The following NAV2 variants were observed in gnomAD, a reference collection of about 807,000 sequenced individuals.
NAV2 encodes helicase, APC down-regulated 1.
Under a neutral mutation model 223.2 loss-of-function variants are expected in NAV2, and 54 were observed. The observed-to-expected ratio is 0.24, with a 90% CI of 0.19 to 0.30. NAV2 has a LOEUF of 0.30. Ranked by LOEUF, NAV2 falls within the 10% of genes least tolerant of loss-of-function variation. The pLI is 1.00. For synonymous variants in NAV2, 1,279 were observed against 1,239.3 expected, an observed-to-expected ratio of 1.03 and a Z score of -0.67; for missense variants, 2,806 against 3,147.5, an observed-to-expected ratio of 0.89 and a Z score of 2.60.
chr11:19,430,437 C>T lies in NAV2; in HGVS notation c.75+79410C>T, dbSNP rs182033206. Among the ~76,000 whole-genome samples, 282 of 152,324 alleles carry T rather than the reference C, an allele frequency of 1.9e-3. 2 individuals are homozygous for T. The highest frequency in any genetic ancestry group is 6.4e-3 in the African/African-American group (268 of 41,570). ...TCCTCTTGAGACAGTTCAAACCCAG[C>T]GACCCTCACTGGCATTCCCTGTCCC... On this transcript the variant is annotated intron_variant, in intron 1 of 37. Transcript: ENST00000360655.
intron 1 of NAV2, among the ~76,000 whole-genome samples, chr11:19,785,104 TA>T (rs1225853766): frequency 6.6e-6 from 1 of 152,168 alleles, no homozygotes; most frequent in Non-Finnish European, 1.5e-5. Flanking sequence ...ACCGATCGGG[TA>T]GGTGACTTCA....
At chr11:20,105,502 G>A in intron 34 of NAV2, 29 bp from the exon 35 acceptor site, 1 of 1,592,022 alleles carries the variant, frequency 6.3e-7, no homozygotes, top group Non-Finnish European at 8.6e-7. Context: ...ACCATCATCA[G>A]CTTGAAAAGT....
rs1167062297 is a variant in NAV2, at chr11:20,101,066, A to G, written c.6311A>G (p.Lys2104Arg). The G allele has an allele frequency of 6.2e-7, 1 of 1,614,024 alleles. No homozygotes were observed. Among genetic ancestry groups the G allele is most frequent in the Non-Finnish European group, 8.5e-7 (1 of 1,180,028 alleles). The change falls in exon 32 of 38, where the codon AAA becomes AGA. Residue 2104 changes from lysine to arginine, a missense_variant. Around this residue, in one of 4 missense-constraint regions of NAV2, gnomAD observed 824 missense variants for 1,069.4 expected, o/e 0.77. Coordinates refer to ENST00000349880, the MANE Select transcript of NAV2 (RefSeq NM_145117.5). ...IILSGPSGTG[K>R]TYLANRLSEY... ...CTCTCTGGCCCCAGCGGCACTGGGA[A>G]AACCTACCTGGCCAACCGGCTGTCT... is the stretch of plus-strand genomic sequence containing the variant.
chr11:20,089,342 C>T (rs897537558), intron 26 of NAV2, among the ~76,000 whole-genome samples: 3 of 152,196 alleles, frequency 2.0e-5, no homozygotes, highest in African/African-American at 7.2e-5. Flanking sequence ...AAACATTTGG[C>T]TATTCAAGTG....
At chr11:19,649,153 A>C (rs2047896661) in intron 1 of NAV2, among the ~76,000 whole-genome samples, 1 of 152,204 alleles carries the variant, frequency 6.6e-6, no homozygotes, top group South Asian at 2.1e-4. Context: ...AGGAACATTC[A>C]TATCACTAAA....
intron 11 of NAV2, among the ~76,000 whole-genome samples, chr11:20,035,222 A>T (rs1430331318): frequency 3.3e-5 from 5 of 152,008 alleles, no homozygotes; most frequent in Non-Finnish European, 7.4e-5. Context: ...AGAACTGCAC[A>T]TTTGGATATG....
chr11:19,922,570 A>G lies in NAV2; in HGVS notation c.932-10606A>G, dbSNP rs188519733. ...CTGCTTTTTGAGTCCCTCCCCAGAG[A>G]TACTGTGATTTTGTAAGTTTGGGGT... is the stretch of plus-strand genomic sequence containing the variant. On this transcript the variant is annotated intron_variant, in intron 6 of 37. Coordinates refer to ENST00000349880, the MANE Select transcript of NAV2 (RefSeq NM_145117.5). Among the ~76,000 whole-genome samples, 31 of 152,278 alleles carry G rather than the reference A, an allele frequency of 2.0e-4. No individual in the cohort carries two copies. The East Asian group carries it at 5.8e-3, about 28-fold the overall frequency.
intron 1 of NAV2, among the ~76,000 whole-genome samples, chr11:19,607,879 T>C (rs1333787517): frequency 1.3e-4 from 20 of 152,224 alleles, no homozygotes; most frequent in Admixed American, 1.3e-3. Flanking sequence ...AGAACCCTAG[T>C]CTTGCTTCTT....
intron 1 of NAV2, among the ~76,000 whole-genome samples, chr11:19,374,055 C>T (rs1211789946): frequency 6.6e-6 from 1 of 152,136 alleles, no homozygotes; most frequent in Non-Finnish European, 1.5e-5. Flanking sequence ...GTCCAGATAA[C>T]AAAACTCAGT....
chr11:19,485,543 C>T (rs1206627657), intron 1 of NAV2, among the ~76,000 whole-genome samples: 1 of 152,148 alleles, frequency 6.6e-6, no homozygotes, highest in Non-Finnish European at 1.5e-5. Context: ...GCAATCACTC[C>T]TTTGGGGAGA....
intron 10 of NAV2, among the ~76,000 whole-genome samples, chr11:19,969,460 C>T (rs2049038125): frequency 1.3e-5 from 2 of 152,146 alleles, no homozygotes; most frequent in South Asian, 4.1e-4. Context: ...TCTTTGTGTT[C>T]TCCAGATGCT....
At chr11:19,988,322 G>A (rs936870483) in intron 11 of NAV2, among the ~76,000 whole-genome samples, 8 of 152,310 alleles carry the variant, frequency 5.3e-5, no homozygotes, top group South Asian at 2.1e-4. Context: ...AGATCAGGAG[G>A]AGGACTTTGG....
At chr11:19,952,969 T>A (rs766572389) in intron 10 of NAV2, among the ~76,000 whole-genome samples, 6 of 152,188 alleles carry the variant, frequency 3.9e-5, no homozygotes, top group Non-Finnish European at 5.9e-5. Context: ...ATTGATAAAT[T>A]GGGCATTGGC....
At chr11:19,721,815 T>G (rs2050771318) in intron 1 of NAV2, among the ~76,000 whole-genome samples, 1 of 152,244 alleles carries the variant, frequency 6.6e-6, no homozygotes, top group Non-Finnish European at 1.5e-5. Flanking sequence ...GGGAGCTATA[T>G]GCTGAAATAT....
In NAV2 at chr11:19,886,635, C is replaced by T. The variant is rs187763319; in HGVS notation, c.771-5799C>T. On this transcript the variant is annotated intron_variant, in intron 5 of 37. Coordinates refer to ENST00000349880, the MANE Select transcript of NAV2 (RefSeq NM_145117.5). ...ACCTGAAATTTAGTGCCTGTTCCCA[C>T]GATGTGCTCAGTCCTGCAAGATAAA... Among the ~76,000 whole-genome samples, 67 of 152,280 alleles carry T rather than the reference C, an allele frequency of 4.4e-4. 1 individual carries two copies. The highest frequency in any genetic ancestry group is 1.1e-3 in the Admixed American group (17 of 15,302).
chr11:19,892,514 G>A lies in NAV2; in HGVS notation c.851G>A (p.Arg284Gln), dbSNP rs138112577. 27 of 1,614,076 alleles carry A rather than the reference G, an allele frequency of 1.7e-5. No individual in the cohort carries two copies. Among genetic ancestry groups the A allele is most frequent in the East Asian group, 2.2e-5 (1 of 44,894 alleles). ...TRGGSTTANNRRSQSFNNYDK... is the reference protein window; with the variant it reads ...TRGGSTTANNQRSQSFNNYDK... ...GGAGGGTCAACTACTGCTAACAACC[G>A]ACGCAGCCAGAGCTTTAACAACTAT... Residue 284 changes from arginine to glutamine, a missense_variant, in exon 6 of 38, where the codon CGA (arginine) becomes CAA (glutamine). Around this residue, in one of 4 missense-constraint regions of NAV2, gnomAD observed 1,167 missense variants for 1,180.5 expected, o/e 0.99. Coordinates refer to ENST00000349880, the MANE Select transcript of NAV2 (RefSeq NM_145117.5).
At chr11:19,464,933 T>G (rs1852297339) in intron 1 of NAV2, among the ~76,000 whole-genome samples, 2 of 152,248 alleles carry the variant, frequency 1.3e-5, no homozygotes, top group South Asian at 4.1e-4. Context: ...TTAATGGAAT[T>G]AAAATAATAT....
intron 19 of NAV2, among the ~76,000 whole-genome samples, chr11:20,058,576 C>A (rs1477979245): frequency 6.6e-6 from 1 of 152,116 alleles, no homozygotes; most frequent in African/African-American, 2.4e-5. Flanking sequence ...ACACAGAAAC[C>A]CTCCACCCTA....
At chr11:19,919,958 A>AC (rs1229157782) in intron 6 of NAV2, among the ~76,000 whole-genome samples, 6 of 151,666 alleles carry the variant, frequency 4.0e-5, no homozygotes, top group Non-Finnish European at 7.4e-5. Context: ...ACATAATGAG[A>AC]CCCCCATCTC....
Sources: gnomAD v4.1 joint callset for allele counts (sites outside exome capture counted in the v4.1 genomes callset) on GRCh38, gnomAD v4.1.1 for gene constraint, gnomAD v4.1.1 regional missense constraint, MANE v1.5 for transcripts, NCBI Gene and HGNC (gene_info 2026-07-23, HGNC 2026-07-21) for gene names.